Variants in IMMP2L observed in about 807,000 individuals in gnomAD.
The protein encoded by IMMP2L is inner mitochondrial membrane peptidase subunit 2.
Under a neutral mutation model 19.3 loss-of-function variants are expected in IMMP2L, and 18 were observed. The observed-to-expected ratio is 0.93, with a 90% CI of 0.64 to 1.38. IMMP2L has a LOEUF of 1.38. Among genes scored for constraint, IMMP2L ranks in the 40% most tolerant of loss-of-function variants. The pLI is 0.00. For synonymous variants in IMMP2L, 76 were observed against 73.0 expected (o/e 1.04, Z -0.21); for missense variants, 233 against 218.2 (o/e 1.07, Z -0.43).
intron 4 of IMMP2L, among the ~76,000 whole-genome samples, chr7:110,900,888 G>A (rs1811792884): frequency 6.6e-6 from 1 of 151,924 alleles, no homozygotes; most frequent in East Asian, 1.9e-4. Flanking sequence ...ATACCATCTG[G>A]CCATGGCTAC....
intron 5 of IMMP2L, among the ~76,000 whole-genome samples, chr7:110,686,038 G>T (rs1260639580): frequency 6.6e-6 from 1 of 152,030 alleles, no homozygotes; most frequent in Non-Finnish European, 1.5e-5. Flanking sequence ...TATAAATGTT[G>T]CCAGTTTCTG....
intron 3 of IMMP2L, among the ~76,000 whole-genome samples, chr7:110,975,023 A>G (rs1199725438): frequency 6.6e-6 from 1 of 152,080 alleles, no homozygotes; most frequent in Non-Finnish European, 1.5e-5. Flanking sequence ...GTTAATTCAA[A>G]TGTTTCCTGG....
chr7:110,663,525 C>T lies in IMMP2L; in HGVS notation c.*77G>A. The T allele has an allele frequency of 1.4e-6, 2 of 1,382,812 alleles. No individual in the cohort carries two copies. The highest frequency in any genetic ancestry group is 1.9e-4 in the Middle Eastern group (1 of 5,246). The allele number at this position is 1,382,812 out of a possible 1,614,324, so 85.7% of individuals were successfully genotyped here. A position where few individuals can be genotyped will look rare whatever the true frequency, so the allele number is the denominator to read the frequency against. ...GCATCATATTGTCAGAAGTTTTTCC[C>T]TTTTGGAGGCTTCTTTTTTCCATTC... On this transcript the variant is annotated 3_prime_UTR_variant, in exon 6 of 6. Transcript: ENST00000405709.
intron 5 of IMMP2L, among the ~76,000 whole-genome samples, chr7:110,738,705 C>T (rs1311893792): frequency 6.6e-6 from 1 of 152,120 alleles, no homozygotes; most frequent in Admixed American, 6.5e-5. Context: ...CATCCAAATA[C>T]AAGAAGCTCA....
chr7:110,914,326 C>G (rs1445706251), intron 4 of IMMP2L, among the ~76,000 whole-genome samples: 1 of 152,152 alleles, frequency 6.6e-6, no homozygotes, highest in Non-Finnish European at 1.5e-5. Flanking sequence ...AAAGTTTGCT[C>G]AACTTTAATT....
At chr7:111,231,486 A>C (rs1813710786) in intron 3 of IMMP2L, among the ~76,000 whole-genome samples, 1 of 151,962 alleles carries the variant, frequency 6.6e-6, no homozygotes, top group African/African-American at 2.4e-5. Flanking sequence ...ATCTCAGCTT[A>C]ATGTTACTTC....
chr7:111,176,956 C>T (rs1470141896), intron 3 of IMMP2L, among the ~76,000 whole-genome samples: 1 of 151,816 alleles, frequency 6.6e-6, no homozygotes. Context: ...ACCTTTCTTT[C>T]TGCATAATTC....
chr7:111,241,714 A>G (rs541426788), intron 3 of IMMP2L, among the ~76,000 whole-genome samples: 39 of 151,140 alleles, frequency 2.6e-4, no homozygotes, highest in African/African-American at 8.5e-4. Context: ...TATATATTAT[A>G]TAAGTATAAA....
At chr7:111,489,171 G>C (rs552318424) in intron 2 of IMMP2L, among the ~76,000 whole-genome samples, 5 of 151,202 alleles carry the variant, frequency 3.3e-5, no homozygotes, top group African/African-American at 1.2e-4. Flanking sequence ...AGCCTCCCGA[G>C]TAGCTGGGAC....
At chr7:110,977,187 T>A (rs1820783498) in intron 3 of IMMP2L, among the ~76,000 whole-genome samples, 1 of 151,984 alleles carries the variant, frequency 6.6e-6, no homozygotes, top group Non-Finnish European at 1.5e-5. Flanking sequence ...AGGTGCCAGG[T>A]ACTCTGTATG....
intron 3 of IMMP2L, among the ~76,000 whole-genome samples, chr7:111,299,312 A>G (rs1193475810): frequency 6.6e-6 from 1 of 152,196 alleles, no homozygotes; most frequent in Admixed American, 6.6e-5. Context: ...ACATGAACAT[A>G]GAACCGGCCA....
chr7:110,686,322 T>A (rs1308634772), intron 5 of IMMP2L, among the ~76,000 whole-genome samples: 1 of 151,924 alleles, frequency 6.6e-6, no homozygotes, highest in Non-Finnish European at 1.5e-5. Flanking sequence ...TTCTTGAGGT[T>A]TGTCTCCTCT....
intron 5 of IMMP2L, among the ~76,000 whole-genome samples, chr7:110,721,865 G>A (rs545078009): frequency 2.0e-5 from 3 of 152,070 alleles, no homozygotes; most frequent in African/African-American, 7.2e-5. Flanking sequence ...ATAAGGAAGA[G>A]GGATAAGAAC....
chr7:111,125,129 T>C, intron 3 of IMMP2L: 1 of 413,836 alleles, frequency 2.4e-6, no homozygotes, highest in East Asian at 4.0e-5. Flanking sequence ...CCAAATAAAA[T>C]AACTCCATTT....
At chr7:110,910,475 A>T (rs799646) in intron 4 of IMMP2L, among the ~76,000 whole-genome samples, 5,396 of 152,294 alleles carry the variant, frequency 0.035, 329 homozygotes, top group African/African-American at 0.12. Flanking sequence ...GATTGTAGAC[A>T]AAACCAGGAA....
chr7:111,359,111 AG>A (rs1027598865), intron 3 of IMMP2L, among the ~76,000 whole-genome samples: 6 of 152,122 alleles, frequency 3.9e-5, no homozygotes, highest in Non-Finnish European at 7.4e-5. Context: ...TTACTTTGGA[AG>A]GCAAGGTTAA....
chr7:111,507,652 T>C (rs1270510681), intron 2 of IMMP2L, among the ~76,000 whole-genome samples: 1 of 152,172 alleles, frequency 6.6e-6, no homozygotes, highest in Non-Finnish European at 1.5e-5. Context: ...GTTTTTGTTA[T>C]AGTATCACTT....
chr7:110,950,868 A>ATG (rs1817753873), intron 4 of IMMP2L, among the ~76,000 whole-genome samples: 3 of 140,620 alleles, frequency 2.1e-5, no homozygotes, highest in South Asian at 2.2e-4. Context: ...ATATATATAT[A>ATG]TATGTATATA....
At chr7:111,159,482 C>CAAT (rs755852293) in intron 3 of IMMP2L, among the ~76,000 whole-genome samples, 17 of 152,020 alleles carry the variant, frequency 1.1e-4, no homozygotes, top group Admixed American at 3.9e-4. Flanking sequence ...CTTGAAAAAA[C>CAAT]AATAACCTTT....
Sources: allele counts gnomAD v4.1 joint callset (sites outside exome capture counted in the v4.1 genomes callset), GRCh38; gene constraint gnomAD v4.1.1; transcripts MANE v1.5; gene names NCBI Gene and HGNC (gene_info 2026-07-23, HGNC 2026-07-21).